PAX2: variants seen among roughly 807,000 people sequenced by gnomAD.
PAX2 encodes the protein paired box protein Pax-2.
A neutral mutation model predicts 41.7 loss-of-function variants in PAX2; 9 were observed. The observed-to-expected ratio is 0.22, with a 90% confidence interval of 0.13 to 0.38. The LOEUF (loss-of-function observed/expected upper bound fraction) is 0.38, where lower values mean the gene tolerates loss of function less well. Ranked by LOEUF, PAX2 falls within the 10% of genes least tolerant of loss-of-function variation. The pLI is 1.00. For missense variants in PAX2, 418 were observed against 531.6 expected, an observed-to-expected ratio of 0.79 and a Z score of 2.10; for synonymous variants, 221 against 212.7, an observed-to-expected ratio of 1.04 and a Z score of -0.34.
Position 100,750,949 on chromosome 10 carries a change from G to T in PAX2, c.410+58G>T, listed in dbSNP as rs1845418051. ...CTCCAGCTCCTGGCTCCTGCCTGCA[G>T]GGGTGTCCCACGCCCAGTCTCTGCT... On this transcript the variant is annotated intron_variant, in intron 3 of 9. Transcript: ENST00000355243. The surrounding 1 kb of genome is among the most constrained non-coding windows in gnomAD (Gnocchi z 4.1). 1 of 1,325,922 alleles carries T rather than the reference G, an allele frequency of 7.5e-7. No individual in the cohort carries two copies. 82.1% of individuals were successfully genotyped at this position (1,325,922 alleles called of 1,614,324 possible).
chr10:100,788,575 C>T (rs1846970138), intron 5 of PAX2, among the ~76,000 whole-genome samples: 2 of 152,180 alleles, frequency 1.3e-5, no homozygotes, highest in African/African-American at 4.8e-5. Context: ...CTGGGTATGG[C>T]TGGGGGCAGA....
intron 5 of PAX2, among the ~76,000 whole-genome samples, chr10:100,804,141 G>A (rs1847673018): frequency 6.6e-6 from 1 of 152,182 alleles, no homozygotes; most frequent in South Asian, 2.1e-4. Context: ...TGCGGGCCGG[G>A]GAGAGAGCAC....
At chr10:100,736,124 C>CTA (rs1239478727) in intron 1 of PAX2, among the ~76,000 whole-genome samples, 1 of 152,090 alleles carries the variant, frequency 6.6e-6, no homozygotes, top group Non-Finnish European at 1.5e-5. Context: ...GGGCCAGCGC[C>CTA]TATGCCAGTG....
upstream of PAX2, among the ~76,000 whole-genome samples, chr10:100,744,013 G>A (rs954434847): frequency 3.9e-5 from 6 of 152,340 alleles, no homozygotes; most frequent in South Asian, 1.0e-3. Context: ...CCCCACAGGA[G>A]TGAGAGGCTC....
chr10:100,803,798 G>A (rs1199297703), intron 5 of PAX2, among the ~76,000 whole-genome samples: 2 of 151,700 alleles, frequency 1.3e-5, no homozygotes, highest in Non-Finnish European at 2.9e-5. Context: ...TCCAGTAGCA[G>A]GCTTCCTTAG....
intron 3 of PAX2, 89 bp from the exon 4 acceptor site, chr10:100,779,408 TG>T: frequency 9.2e-7 from 1 of 1,087,034 alleles, no homozygotes; most frequent in Non-Finnish European, 1.4e-6. Flanking sequence ...CTGAGGAACT[TG>T]GGAGAGAGCC....
At chr10:100,752,868 A>G (rs1433339946) in intron 3 of PAX2, among the ~76,000 whole-genome samples, 1 of 152,196 alleles carries the variant, frequency 6.6e-6, no homozygotes, top group African/African-American at 2.4e-5. Context: ...AGCCATGGAG[A>G]ACAAGGGCCA....
intron 7 of PAX2, among the ~76,000 whole-genome samples, chr10:100,821,775 C>T (rs1848386686): frequency 6.6e-6 from 1 of 152,116 alleles, no homozygotes; most frequent in African/African-American, 2.4e-5. Flanking sequence ...AACTGAAAAC[C>T]AGAATTCAGA....
In PAX2 at chr10:100,810,225, C is replaced by T. The variant is rs1422478876; in HGVS notation, c.919+989C>T. On this transcript the variant is annotated intron_variant, in intron 7 of 9. Coordinates refer to ENST00000355243, the MANE Select transcript of PAX2 (RefSeq NM_000278.5). ...GCCAGCGGCAAAGGCAGGGAACAGG[C>T]ACCGCCCACTCTAGGACTGGGCCCT... Among the ~76,000 whole-genome samples the T allele has an allele frequency of 2.6e-5, 4 of 152,244 alleles. No individual in the cohort carries two copies. In the East Asian group the frequency reaches 7.7e-4, roughly 29 times the overall value.
At chr10:100,823,284 G>A (rs1848430096) in intron 7 of PAX2, among the ~76,000 whole-genome samples, 1 of 152,168 alleles carries the variant, frequency 6.6e-6, no homozygotes, top group Non-Finnish European at 1.5e-5. Context: ...CAGAGGGACA[G>A]CCAAGGAAAA....
At chr10:100,779,236 T>A (rs2086624194) in intron 3 of PAX2, among the ~76,000 whole-genome samples, 1 of 152,142 alleles carries the variant, frequency 6.6e-6, no homozygotes, top group South Asian at 2.1e-4. Flanking sequence ...CTACCAAAAA[T>A]CAAACAATAA....
chr10:100,769,405 A>G (rs768820301), intron 3 of PAX2, among the ~76,000 whole-genome samples: 2 of 152,004 alleles, frequency 1.3e-5, no homozygotes, highest in Non-Finnish European at 2.9e-5. Context: ...AGGTGGGAGG[A>G]TTACTTGAGG....
rs374646724 is a variant in PAX2, at chr10:100,825,008, G to T, written c.1021+259G>T. 2.5e-6 allele frequency: 4 copies of T among 1,588,092 alleles called. No homozygotes were observed. In the African/African-American group the frequency reaches 5.4e-5, roughly 21 times the overall value. Reference sequence around the variant, plus strand: ...CTGTATGTCATGGCCCCTCCACAGCGCCCACCCACCCAAGTCTGTGCCCGA... The same window carrying T: ...CTGTATGTCATGGCCCCTCCACAGCTCCCACCCACCCAAGTCTGTGCCCGA... On this transcript the variant is annotated intron_variant, in intron 8 of 9. Transcript: ENST00000355243.
upstream of PAX2, among the ~76,000 whole-genome samples, chr10:100,742,883 G>GTTTTTTT (rs1845019792): frequency 2.7e-5 from 1 of 36,820 alleles, no homozygotes; most frequent in Non-Finnish European, 5.4e-5. Context: ...TTTTTTTTTT[G>GTTTTTTT]CTTTCTTGCT....
chr10:100,754,477 C>A (rs2133844465), intron 3 of PAX2, among the ~76,000 whole-genome samples: 1 of 152,332 alleles, frequency 6.6e-6, no homozygotes, highest in African/African-American at 2.4e-5. Context: ...TCCCACTATC[C>A]ACACTCTCTC....
rs1847111279 is a variant in PAX2, at chr10:100,791,352, A to C, written c.616+9987A>C. Among the ~76,000 whole-genome samples, 1 of 152,134 alleles carries C rather than the reference A, an allele frequency of 6.6e-6. No individual in the cohort carries two copies. The highest frequency in any genetic ancestry group is 2.1e-4 in the South Asian group (1 of 4,810). On this transcript the variant is annotated intron_variant, in intron 5 of 9. Transcript: ENST00000355243. The surrounding 1 kb of genome is among the most constrained non-coding windows in gnomAD (Gnocchi z 4.5). ...GGAGGACTGGCTAGAGTGTGTGTGC[A>C]TGTGTATGTGTGTACATGTGTATGT...
intron 5 of PAX2, among the ~76,000 whole-genome samples, chr10:100,803,623 T>TTCCTTC (rs1290251120): frequency 6.6e-6 from 1 of 152,108 alleles, no homozygotes; most frequent in African/African-American, 2.4e-5. Context: ...GACTGCTGCC[T>TTCCTTC]TCCTTCTCCT....
At chr10:100,759,603 CCA>C (rs766964423) in intron 3 of PAX2, among the ~76,000 whole-genome samples, 42 of 152,324 alleles carry the variant, frequency 2.8e-4, no homozygotes, top group Non-Finnish European at 1.5e-4. Context: ...CCTGCCTGAA[CCA>C]CAGATTTCTC....
intron 5 of PAX2, among the ~76,000 whole-genome samples, chr10:100,804,271 T>TACAC (rs10639967): frequency 0.7 from 103,793 of 147,770 alleles, 38,603 homozygotes; most frequent in East Asian, 0.87. Context: ...GTTCAGCCCC[T>TACAC]ACACACACAC....
Sources: gnomAD v4.1 joint callset for allele counts (sites outside exome capture counted in the v4.1 genomes callset) on GRCh38, gnomAD v4.1.1 for gene constraint, Gnocchi (gnomAD v3.1) non-coding constraint, MANE v1.5 for transcripts, NCBI Gene and HGNC (gene_info 2026-07-23, HGNC 2026-07-21) for gene names.